RAB31: variants seen among roughly 807,000 people sequenced by gnomAD.
RAB31 encodes RAB31, member RAS oncogene family.
RAB31 carries 21 observed loss-of-function variants against 25.6 expected under a neutral mutation model. The observed-to-expected ratio is 0.82, with a 90% CI of 0.58 to 1.18. The LOEUF is 1.18. Ranked by LOEUF, RAB31 falls within the 50% of genes most tolerant of loss-of-function variation. The pLI, the probability that RAB31 is intolerant of heterozygous loss-of-function variation, is 0.00. For missense variants in RAB31, 196 were observed against 250.1 expected, an observed-to-expected ratio of 0.78 and a Z score of 1.46; for synonymous variants, 87 against 84.0, an observed-to-expected ratio of 1.04 and a Z score of -0.20.
chr18:9,843,445 C>A (rs367815782), intron 5 of RAB31, among the ~76,000 whole-genome samples: 49 of 149,802 alleles, frequency 3.3e-4, no homozygotes, highest in African/African-American at 1.1e-3. Context: ...ACTCAGGAGG[C>A]TGAGGCACAA....
chr18:9,824,378 GTGTA>G (rs1568188810), intron 5 of RAB31, among the ~76,000 whole-genome samples: 2 of 150,232 alleles, frequency 1.3e-5, no homozygotes, highest in Admixed American at 1.3e-4. Flanking sequence ...GTGTGTAGAT[GTGTA>G]TGTGTGTGTG....
At chr18:9,852,378 A>G (rs943601159) in intron 6 of RAB31, among the ~76,000 whole-genome samples, 1 of 152,266 alleles carries the variant, frequency 6.6e-6, no homozygotes, top group Non-Finnish European at 1.5e-5. Flanking sequence ...CATAGTTGTC[A>G]TAAATGGTTT....
At chr18:9,832,948 G>A (rs983097195) in intron 5 of RAB31, among the ~76,000 whole-genome samples, 2 of 151,938 alleles carry the variant, frequency 1.3e-5, no homozygotes, top group East Asian at 2.0e-4. Flanking sequence ...GAGGGTTCCC[G>A]CTGCCTACAC....
At chr18:9,743,660 C>T (rs1049623207) in intron 1 of RAB31, among the ~76,000 whole-genome samples, 3 of 152,206 alleles carry the variant, frequency 2.0e-5, no homozygotes, top group Admixed American at 2.0e-4. Context: ...CATGCAAAAC[C>T]AGTTGTTAAT....
At chr18:9,767,507 G>A (rs2068322207) in intron 1 of RAB31, among the ~76,000 whole-genome samples, 1 of 152,218 alleles carries the variant, frequency 6.6e-6, no homozygotes, top group Admixed American at 6.5e-5. Flanking sequence ...GTCGTGAAGA[G>A]AGACCAGAGA....
At chr18:9,856,355 G>A (rs761059748) in intron 6 of RAB31, 1 of 152,164 alleles carries the variant, frequency 6.6e-6, no homozygotes, top group Non-Finnish European at 1.5e-5. Flanking sequence ...GCGGGGAAAG[G>A]TGTGGACAGA....
At chr18:9,714,534 C>T (rs1021757672) in intron 1 of RAB31, among the ~76,000 whole-genome samples, 3 of 152,222 alleles carry the variant, frequency 2.0e-5, no homozygotes, top group Non-Finnish European at 2.9e-5. Context: ...TGTGCTAGAA[C>T]GCAAAAGCTT....
chr18:9,792,380 C>T (rs1486823642), intron 3 of RAB31, 145 bp downstream of exon 3: 6 of 1,395,128 alleles, frequency 4.3e-6, no homozygotes, highest in Admixed American at 2.5e-5. Context: ...AAAATGTACT[C>T]ATTAGCTATG....
rs540201750 is a variant in RAB31 at position 9,809,061 on chromosome 18, C to T, written c.202-4959C>T. On this transcript the variant is annotated intron_variant, in intron 3 of 6. Transcript: ENST00000578921. ...AGGGGTGTGTGTGTGTGTGTGCGCG[C>T]GCACGCGTGGGTGTGCGAGCACATA... Among the ~76,000 whole-genome samples the T allele has an allele frequency of 2.7e-4, 26 of 96,890 alleles. No homozygotes were observed. The South Asian group carries it at 4.7e-3, about 17-fold the overall frequency. 63.6% of individuals were successfully genotyped at this position (96,890 alleles called of 152,430 possible).
chr18:9,768,087 C>G (rs2068325535), intron 1 of RAB31, among the ~76,000 whole-genome samples: 2 of 152,176 alleles, frequency 1.3e-5, no homozygotes, highest in Admixed American at 1.3e-4. Flanking sequence ...CCATGATGTA[C>G]ATGTGCCACA....
At chr18:9,832,427 A>T (rs1456961524) in intron 5 of RAB31, among the ~76,000 whole-genome samples, 2 of 152,226 alleles carry the variant, frequency 1.3e-5, no homozygotes, top group Non-Finnish European at 2.9e-5. Flanking sequence ...CACGAAGATC[A>T]TCAGGGGCAA....
intron 4 of RAB31, 60 bp downstream of exon 4, chr18:9,814,151 A>G (rs377584044): frequency 5.8e-5 from 76 of 1,303,352 alleles, no homozygotes; most frequent in Non-Finnish European, 7.9e-5. Context: ...ACTTAGAGAG[A>G]CTGGAGCAGA....
intron 1 of RAB31, among the ~76,000 whole-genome samples, chr18:9,736,972 A>T (rs566901965): frequency 6.6e-6 from 1 of 152,304 alleles, no homozygotes; most frequent in South Asian, 2.1e-4. Flanking sequence ...ATCTCTTTCA[A>T]ATAGCTATTA....
intron 1 of RAB31, among the ~76,000 whole-genome samples, chr18:9,730,536 T>C (rs7242617): frequency 0.3 from 45,384 of 152,066 alleles, 8,146 homozygotes; most frequent in African/African-American, 0.49. Context: ...TGTTCCCCCA[T>C]GTTGGCCTCC....
intron 4 of RAB31, chr18:9,814,714 T>C (rs2068592227): frequency 6.0e-6 from 1 of 167,048 alleles, no homozygotes. Flanking sequence ...CCTTGGCCTG[T>C]TTTCTAGAGG....
chr18:9,758,367 G>T (rs1284639965), intron 1 of RAB31, among the ~76,000 whole-genome samples: 2 of 151,902 alleles, frequency 1.3e-5, no homozygotes, highest in Non-Finnish European at 2.9e-5. Flanking sequence ...TTTGCCTCCT[G>T]GGGGGAAAAG....
At chr18:9,726,833 G>C (rs1349692097) in intron 1 of RAB31, among the ~76,000 whole-genome samples, 1 of 151,988 alleles carries the variant, frequency 6.6e-6, no homozygotes, top group East Asian at 1.9e-4. Context: ...TTCACAAATG[G>C]AACAGACCTA....
At chr18:9,722,034 T>G in intron 1 of RAB31, among the ~76,000 whole-genome samples, 1 of 151,468 alleles carries the variant, frequency 6.6e-6, no homozygotes, top group Non-Finnish European at 1.5e-5. Context: ...GCCTGGTGAG[T>G]CTGAGGAACA....
chr18:9,731,924 C>T (rs1403652354), intron 1 of RAB31, among the ~76,000 whole-genome samples: 3 of 152,288 alleles, frequency 2.0e-5, no homozygotes, highest in African/African-American at 7.2e-5. Flanking sequence ...TGATAATAAG[C>T]TCCTCACCCA....
Sources: gnomAD v4.1 joint callset for allele counts (sites outside exome capture counted in the v4.1 genomes callset) on GRCh38, gnomAD v4.1.1 for gene constraint, MANE v1.5 for transcripts, NCBI Gene and HGNC (gene_info 2026-07-23, HGNC 2026-07-21) for gene names.